Variants in KDM4C observed in about 807,000 individuals in gnomAD.
KDM4C encodes the protein lysine-specific demethylase 4C.
A neutral mutation model predicts 129.3 loss-of-function variants in KDM4C; 81 were observed. The ratio of observed to expected loss-of-function variants is 0.63; its 90% CI spans 0.52 to 0.75. The LOEUF (loss-of-function observed/expected upper bound fraction) is 0.75. Ranked by LOEUF, KDM4C falls within the 30% of genes least tolerant of loss-of-function variation. The pLI is 0.00. For missense variants in KDM4C, 1,457 were observed against 1,304.0 expected (o/e 1.12, Z -1.81); for synonymous variants, 573 against 456.1 (o/e 1.26, Z -3.26).
At chr9:6,961,746 C>G (rs569036077) in intron 8 of KDM4C, among the ~76,000 whole-genome samples, 23 of 152,248 alleles carry the variant, frequency 1.5e-4, no homozygotes, top group African/African-American at 5.1e-4. Context: ...ATGGTGACCT[C>G]TTTGATGGTA....
At chr9:6,874,411 C>T (rs764987008) in intron 5 of KDM4C, among the ~76,000 whole-genome samples, 1 of 152,166 alleles carries the variant, frequency 6.6e-6, no homozygotes, top group Non-Finnish European at 1.5e-5. Flanking sequence ...CTATCATTTG[C>T]TCTCATTCAG....
intron 1 of KDM4C, among the ~76,000 whole-genome samples, chr9:6,792,614 C>T (rs901714893): frequency 2.0e-5 from 3 of 152,088 alleles, no homozygotes; most frequent in Non-Finnish European, 4.4e-5. Flanking sequence ...GTCTCGAACT[C>T]CTGACCTTGT....
intron 8 of KDM4C, among the ~76,000 whole-genome samples, chr9:6,922,357 C>G (rs553692622): frequency 6.6e-6 from 1 of 152,328 alleles, no homozygotes; most frequent in Admixed American, 6.5e-5. Context: ...CACCCTGTTG[C>G]AAGATTTCCT....
intron 18 of KDM4C, among the ~76,000 whole-genome samples, chr9:7,114,077 G>T (rs950665142): frequency 2.6e-5 from 4 of 152,132 alleles, no homozygotes; most frequent in African/African-American, 9.7e-5. Flanking sequence ...GTTAAAACTG[G>T]TTTAATACCA....
chr9:6,943,226 A>C (rs1215276969), intron 8 of KDM4C, among the ~76,000 whole-genome samples: 1 of 152,034 alleles, frequency 6.6e-6, no homozygotes, highest in Non-Finnish European at 1.5e-5. Flanking sequence ...TCTGTTATTC[A>C]AGTTGGAAAC....
At chr9:7,141,334 A>T (rs1372949613) in intron 19 of KDM4C, among the ~76,000 whole-genome samples, 1 of 152,096 alleles carries the variant, frequency 6.6e-6, no homozygotes, top group Non-Finnish European at 1.5e-5. Context: ...ACTATAAGAG[A>T]CTATAAAAGC....
At chr9:7,124,985 C>T (rs1458517948) in intron 18 of KDM4C, among the ~76,000 whole-genome samples, 1 of 152,154 alleles carries the variant, frequency 6.6e-6, no homozygotes, top group Admixed American at 6.5e-5. Flanking sequence ...TCGCACTAAG[C>T]TCCACCAGCC....
rs1817255618 is a variant in KDM4C, at chr9:6,729,562, C to T, written c.49+8565C>T. Among the ~76,000 whole-genome samples the T allele has an allele frequency of 3.0e-5, 4 of 133,758 alleles. 1 individual carries two copies. The highest frequency in any genetic ancestry group is 6.4e-5 in the African/African-American group (2 of 31,450). The allele number at this position is 133,758 out of a possible 152,430, so 87.8% of individuals were successfully genotyped here. On this transcript the variant is annotated intron_variant, in intron 1 of 17. Transcript: ENST00000536108. ...TGTCTCAAAAACAAAAAAAACAAAT[C>T]TCCATAACTGATTATTTTTGCTGTA...
In KDM4C at chr9:6,920,518, G is replaced by A. The variant is rs567074709; in HGVS notation, c.921+27286G>A. ...GTGCAGGTTGCAGTGAGCCGAGATC[G>A]TTCCACTGCACTCCAGCCTCAGCAA... On this transcript the variant is annotated intron_variant, in intron 8 of 21. Coordinates refer to ENST00000381309, the MANE Select transcript of KDM4C (RefSeq NM_015061.6). Among the ~76,000 whole-genome samples the A allele has an allele frequency of 1.1e-4, 17 of 150,250 alleles. No individual in the cohort carries two copies. In the East Asian group the frequency reaches 2.9e-3, roughly 26 times the overall value.
chr9:6,876,585 C>G (rs28412017), intron 5 of KDM4C, among the ~76,000 whole-genome samples: 6,132 of 152,194 alleles, frequency 0.04, 287 homozygotes, highest in East Asian at 0.13. Context: ...TCTCTCTCTT[C>G]TCATGGCATG....
intron 1 of KDM4C, among the ~76,000 whole-genome samples, chr9:6,759,468 C>T (rs1363444938): frequency 6.6e-6 from 1 of 152,156 alleles, no homozygotes; most frequent in Non-Finnish European, 1.5e-5. Context: ...TCCGCGCAAC[C>T]CGCCCATAGT....
intron 18 of KDM4C, 59 bp from the exon 19 acceptor site, chr9:7,128,007 G>A (rs891073622): frequency 2.1e-5 from 26 of 1,255,910 alleles, no homozygotes; most frequent in East Asian, 5.7e-5. Context: ...TTTATTTTAC[G>A]TCCTTTCTTT....
intron 2 of KDM4C, 49 bp from the exon 3 acceptor site, chr9:6,805,550 A>T (rs1023586191): frequency 7.5e-7 from 1 of 1,329,024 alleles, no homozygotes; most frequent in Non-Finnish European, 1.0e-6. Context: ...AAGCTAAATT[A>T]CTTGGAGTAT....
intron 17 of KDM4C, among the ~76,000 whole-genome samples, chr9:7,058,061 A>G (rs766107422): frequency 1.6e-4 from 25 of 152,188 alleles, no homozygotes; most frequent in Admixed American, 7.9e-4. Context: ...CCTCTCATCT[A>G]TTTCTGGCTT....
At chr9:6,774,150 A>T (rs1262059082) in intron 1 of KDM4C, among the ~76,000 whole-genome samples, 2 of 151,976 alleles carry the variant, frequency 1.3e-5, no homozygotes, top group Admixed American at 6.6e-5. Context: ...AGCCTCCCAA[A>T]GTGCTGGGAT....
chr9:7,093,615 T>C (rs1291013730), intron 17 of KDM4C, among the ~76,000 whole-genome samples: 2 of 152,176 alleles, frequency 1.3e-5, no homozygotes, highest in Non-Finnish European at 2.9e-5. Context: ...CCTTTGGCAG[T>C]TTTTGGTAAA....
chr9:7,162,120 G>C (rs935048438), intron 19 of KDM4C, among the ~76,000 whole-genome samples: 1 of 152,200 alleles, frequency 6.6e-6, no homozygotes, highest in Non-Finnish European at 1.5e-5. Context: ...GGGTGAGAAA[G>C]GAGCTGTTAT....
chr9:7,115,559 G>C (rs1838803253), intron 18 of KDM4C, among the ~76,000 whole-genome samples: 1 of 152,152 alleles, frequency 6.6e-6, no homozygotes, highest in Non-Finnish European at 1.5e-5. Context: ...GTAGAAAACA[G>C]TAATTAGATG....
At chr9:6,781,456 A>C (rs1312274373) in intron 1 of KDM4C, among the ~76,000 whole-genome samples, 1 of 152,122 alleles carries the variant, frequency 6.6e-6, no homozygotes, top group African/African-American at 2.4e-5. Flanking sequence ...TGCCAACAGC[A>C]CTGTAACTCA....
Sources: gnomAD v4.1 joint callset for allele counts (sites outside exome capture counted in the v4.1 genomes callset) on GRCh38, gnomAD v4.1.1 for gene constraint, MANE v1.5 for transcripts, NCBI Gene and HGNC (gene_info 2026-07-23, HGNC 2026-07-21) for gene names.